Variants in PPP1R21 observed in about 807,000 individuals in gnomAD.
The protein encoded by PPP1R21 is KLRAQ motif containing 1.
Under a neutral mutation model 112.8 loss-of-function variants are expected in PPP1R21, and 85 were observed. The ratio of observed to expected loss-of-function variants is 0.75; its 90% CI spans 0.63 to 0.90. PPP1R21 has a LOEUF of 0.90. PPP1R21 is among the 40% of genes least tolerant of loss of function. The pLI is 0.00. For synonymous variants in PPP1R21, 381 were observed against 322.3 expected, an observed-to-expected ratio of 1.18 and a Z score of -1.95; for missense variants, 1,199 against 901.5, an observed-to-expected ratio of 1.33 and a Z score of -4.23.
intron 2 of PPP1R21, among the ~76,000 whole-genome samples, chr2:48,452,583 A>G (rs966400050): frequency 7.3e-5 from 11 of 151,612 alleles, no homozygotes; most frequent in African/African-American, 2.4e-4. Context: ...TTATTACAGT[A>G]GTCATTGTAA....
chr2:48,466,353 A>T (rs894116317), intron 9 of PPP1R21, among the ~76,000 whole-genome samples: 1 of 151,986 alleles, frequency 6.6e-6, no homozygotes, highest in Admixed American at 6.6e-5. Flanking sequence ...CTGGGACTAC[A>T]GGCGTGCACC....
intron 14 of PPP1R21, among the ~76,000 whole-genome samples, chr2:48,487,997 T>C (rs997254559): frequency 2.6e-5 from 4 of 152,156 alleles, no homozygotes; most frequent in African/African-American, 9.7e-5. Context: ...TGTCTGTCTT[T>C]ATATACTATT....
chr2:48,511,376 C>G lies in PPP1R21; in HGVS notation c.2221C>G (p.Gln741Glu). 1 of 1,613,756 alleles carries G rather than the reference C, an allele frequency of 6.2e-7. No individual in the cohort carries two copies. The highest frequency in any genetic ancestry group is 8.5e-7 in the Non-Finnish European group (1 of 1,179,928). ...AACTACCAAGAGGAGTTACGAGGATCAGTTAAGTATGATGAGTGACCACCT... is the reference window on the plus strand; with the variant it reads ...AACTACCAAGAGGAGTTACGAGGATGAGTTAAGTATGATGAGTGACCACCT... Reference protein sequence around the residue: ...LTTTKRSYEDQLSMMSDHLCS... With the variant: ...LTTTKRSYEDELSMMSDHLCS... Residue 741 changes from glutamine (Q) to glutamate (E), a missense_variant, in exon 21 of 22, where the codon CAG becomes GAG. Coordinates refer to ENST00000294952, the MANE Select transcript of PPP1R21 (RefSeq NM_001135629.3).
rs533568834 is a variant in PPP1R21, at chr2:48,483,330, C to T, written c.1319-3301C>T. On this transcript the variant is annotated intron_variant, in intron 13 of 21. Transcript: ENST00000294952. ...CTGAGTAGCTGGGACTACAGGTGTG[C>T]GTCACCATGCCGGCTAATTTTTTTG... 8.0e-5 allele frequency among the ~76,000 whole-genome samples: 12 copies of T among 149,394 alleles called. No individual in the cohort carries two copies. In the South Asian group the frequency reaches 8.6e-4, roughly 11 times the overall value.
chr2:48,514,038 A>T (rs1302600225), intron 21 of PPP1R21, among the ~76,000 whole-genome samples: 1 of 152,034 alleles, frequency 6.6e-6, no homozygotes, highest in African/African-American at 2.4e-5. Context: ...CCTTTAAAAG[A>T]AAAGGTGTTT....
chr2:48,513,203 C>T lies in PPP1R21; in HGVS notation c.2314-1512C>T, dbSNP rs113915635. Among the ~76,000 whole-genome samples the T allele has an allele frequency of 1.2e-3, 176 of 151,704 alleles. 1 individual carries two copies. Among genetic ancestry groups the T allele is most frequent in the African/African-American group, 4.1e-3 (170 of 41,314 alleles). ...AGAAGTTAGGGAATTTTCAAGTTTC[C>T]TCTGACTTTTTTTTTTTCTTTGATG... On this transcript the variant is annotated intron_variant, in intron 21 of 21. Coordinates refer to ENST00000294952, the MANE Select transcript of PPP1R21 (RefSeq NM_001135629.3).
intron 3 of PPP1R21, among the ~76,000 whole-genome samples, chr2:48,457,646 C>G (rs62137052): frequency 0.12 from 18,844 of 151,968 alleles, 1,483 homozygotes; most frequent in Middle Eastern, 0.24. Context: ...TATTTTTTAA[C>G]TTAGAAATTT....
rs34664331 is a variant in PPP1R21, at chr2:48,440,812, C to CGCG, written c.-121_-119dup. 0.12 allele frequency: 72,002 copies of CGCG among 625,792 alleles called. 4,472 individuals carry two copies. Among genetic ancestry groups the CGCG allele is most frequent in the Admixed American group, 0.31 (10,151 of 33,160 alleles). 38.8% of individuals were successfully genotyped at this position (625,792 alleles called of 1,614,324 possible). On this transcript the variant is annotated 5_prime_UTR_variant, in exon 1 of 22. Coordinates refer to ENST00000294952, the MANE Select transcript of PPP1R21 (RefSeq NM_001135629.3). Reference sequence around the variant, plus strand: ...GGGAACCCGGAAGTGGAGGAGGAGGCGCGGCGGCGGCGGCGGCGGCGGCTG... The same window carrying CGCG: ...GGGAACCCGGAAGTGGAGGAGGAGGCGCGGCGGCGGCGGCGGCGGCGGCGGCTG...
In PPP1R21 at chr2:48,498,670, A is replaced by C; in HGVS notation, c.1870A>C (p.Asn624His). 1 of 1,614,242 alleles carries C rather than the reference A, an allele frequency of 6.2e-7. No homozygotes were observed. Among genetic ancestry groups the C allele is most frequent in the Non-Finnish European group, 8.5e-7 (1 of 1,180,038 alleles). The change falls in exon 17 of 22, where the codon AAT becomes CAT. Residue 624 changes from asparagine (N) to histidine (H), a missense_variant. Coordinates refer to ENST00000294952, the MANE Select transcript of PPP1R21 (RefSeq NM_001135629.3). The stretch of plus-strand genomic sequence containing the variant: ...GGCCCAGGAAAATGCTGCTGTGTCA[A>C]ATACTGCTGGCCAGGATGAAGCCAC... The part of the protein sequence containing the change: ...GLAQENAAVS[N>H]TAGQDEATAK...
chr2:48,458,136 A>T lies in PPP1R21; in HGVS notation c.284A>T (p.Glu95Val). Residue 95 changes from glutamate (E) to valine (V), a missense_variant, in exon 4 of 22, where the codon GAA becomes GTA. Physicochemically the swap from Glu to Val is moderately radical, Grantham distance 121. Coordinates refer to ENST00000294952, the MANE Select transcript of PPP1R21 (RefSeq NM_001135629.3). ...TATTCTTTCCATCAGAAAAGTGGAG[A>T]ATCTTCTTCTCAGTTGAGTCAAGAG... ...PRGKKNKKSG[E>V]SSSQLSQEQK... 1.2e-6 allele frequency: 2 copies of T among 1,609,606 alleles called. No homozygotes were observed. The highest frequency in any genetic ancestry group is 1.7e-6 in the Non-Finnish European group (2 of 1,176,504).
At position 48,498,559 on chromosome 2, in the gene PPP1R21, C is replaced by G. The variant is rs1255819350; in HGVS notation, c.1759C>G (p.Gln587Glu). 2 of 1,614,050 alleles carry G rather than the reference C, an allele frequency of 1.2e-6. No individual in the cohort carries two copies. The highest frequency in any genetic ancestry group is 1.6e-4 in the Middle Eastern group (1 of 6,084). ...QEKEHWMLEAQLAKIKLEKEN... is the reference protein window; with the variant it reads ...QEKEHWMLEAELAKIKLEKEN... ...AAAAGAACATTGGATGTTGGAAGCA[C>G]AATTAGCCAAAATCAAGCTAGAGAA... Residue 587 changes from glutamine to glutamate, a missense_variant, in exon 17 of 22, where the codon CAA (glutamine) becomes GAA (glutamate). Physicochemically the swap from Gln to Glu is conservative, Grantham distance 29 (BLOSUM62 2). Transcript: ENST00000294952.
chr2:48,485,079 AAATTAGTTCAACCCCTATG>A (rs1669220254), intron 13 of PPP1R21, among the ~76,000 whole-genome samples: 1 of 152,176 alleles, frequency 6.6e-6, no homozygotes, highest in Admixed American at 6.5e-5. Flanking sequence ...GTGGGAATGT[AAATTAGTTCAACCCCTATG>A]GAAAGCAGTA....
chr2:48,506,305 G>A (rs1356747122), intron 18 of PPP1R21, among the ~76,000 whole-genome samples: 57 of 152,106 alleles, frequency 3.7e-4, no homozygotes, highest in Admixed American at 3.7e-3. Flanking sequence ...TGTTGGCCAG[G>A]CTGGTCTCAA....
intron 14 of PPP1R21, 50 bp from the exon 15 acceptor site, chr2:48,490,968 A>C: frequency 1.3e-6 from 2 of 1,495,300 alleles, no homozygotes; most frequent in East Asian, 4.5e-5. Flanking sequence ...TATATATTTT[A>C]GATATATTGT....
chr2:48,502,882 T>G (rs11689288), intron 17 of PPP1R21, among the ~76,000 whole-genome samples: 14,584 of 151,796 alleles, frequency 0.096, 778 homozygotes, highest in Non-Finnish European at 0.12. Context: ...GGGTTTCACT[T>G]TGTTAGCCAG....
intron 2 of PPP1R21, among the ~76,000 whole-genome samples, chr2:48,453,552 G>C (rs1048176521): frequency 6.6e-6 from 1 of 152,036 alleles, no homozygotes; most frequent in African/African-American, 2.4e-5. Flanking sequence ...TGAATAAAAA[G>C]TTGTCAGAAC....
chr2:48,477,912 G>C (rs537421694), intron 12 of PPP1R21, among the ~76,000 whole-genome samples: 1 of 152,120 alleles, frequency 6.6e-6, no homozygotes, highest in African/African-American at 2.4e-5. Context: ...GATCTCTGCA[G>C]ATGTCATCAA....
At chr2:48,463,579 G>A (rs1668072642) in intron 7 of PPP1R21, among the ~76,000 whole-genome samples, 1 of 152,044 alleles carries the variant, frequency 6.6e-6, no homozygotes, top group Non-Finnish European at 1.5e-5. Flanking sequence ...CCTGACAGAC[G>A]GGCAAAGTGA....
In PPP1R21 at chr2:48,492,654, G is replaced by A. The variant is rs147303326; in HGVS notation, c.1599+1484G>A. Among the ~76,000 whole-genome samples, 623 of 152,312 alleles carry A rather than the reference G, an allele frequency of 4.1e-3. 3 individuals are homozygous for A. The highest frequency in any genetic ancestry group is 0.014 in the African/African-American group (586 of 41,560). ...GAATGTTGTAGGCCATGTGGCTTGTGCATTTTAAGTTTTAATAGTAGTTGC... is the reference window on the plus strand; with the variant it reads ...GAATGTTGTAGGCCATGTGGCTTGTACATTTTAAGTTTTAATAGTAGTTGC... On this transcript the variant is annotated intron_variant, in intron 15 of 21. Coordinates refer to ENST00000294952, the MANE Select transcript of PPP1R21 (RefSeq NM_001135629.3).
Sources: gnomAD v4.1 joint callset for allele counts (sites outside exome capture counted in the v4.1 genomes callset) on GRCh38, gnomAD v4.1.1 for gene constraint, MANE v1.5 for transcripts, NCBI Gene and HGNC (gene_info 2026-07-23, HGNC 2026-07-21) for gene names.